Variants in MYH14 observed in about 807,000 individuals in gnomAD.
MYH14 encodes myosin heavy chain 14, also known as myosin-14.
MYH14 carries 123 observed loss-of-function variants against 255.5 expected under a neutral mutation model. That is an observed-to-expected ratio of 0.48 (90% CI 0.42 to 0.56). MYH14 has a LOEUF of 0.56. MYH14 is among the 20% of genes least tolerant of loss of function. The pLI, the probability that MYH14 is intolerant of heterozygous loss-of-function variation, is 0.00. For missense variants in MYH14, 2,423 were observed against 2,802.3 expected (o/e 0.86, Z 3.06); for synonymous variants, 1,095 against 1,161.2 (o/e 0.94, Z 1.16).
intron 16 of MYH14, among the ~76,000 whole-genome samples, chr19:50,254,993 C>T (rs1281535800): frequency 3.3e-5 from 5 of 152,200 alleles, no homozygotes; most frequent in East Asian, 3.8e-4. Context: ...AGAGGACATT[C>T]GTCCTTTTGG....
chr19:50,293,476 G>C lies in MYH14; in HGVS notation c.5346-88G>C. 5.1e-6 allele frequency: 8 copies of C among 1,568,876 alleles called. No homozygotes were observed. Among genetic ancestry groups the C allele is most frequent in the Non-Finnish European group, 6.9e-6 (8 of 1,154,860 alleles). ...GGTGTGAGGCTGGGGAGATGCGTGG[G>C]GCTAACCACAGGGTCCTGTAGTGTG... On this transcript the variant is annotated intron_variant, in intron 38 of 42. Coordinates refer to ENST00000642316, the MANE Select transcript of MYH14 (RefSeq NM_001145809.2). The surrounding 1 kb of genome is among the most constrained non-coding windows in gnomAD (Gnocchi z 4.1).
chr19:50,212,810 T>G (rs1244385310), intron 2 of MYH14, among the ~76,000 whole-genome samples: 1 of 152,104 alleles, frequency 6.6e-6, no homozygotes, highest in Non-Finnish European at 1.5e-5. Flanking sequence ...TTCTCCAGTC[T>G]GCACTGGCCC....
chr19:50,255,314 AG>A lies in MYH14; in HGVS notation c.2044+1del. ...ERCSSAISPP[G>X]VEGIVGLEQV... The stretch of plus-strand genomic sequence containing the variant: ...GGTGCAGCTCTGCTATTTCTCCGCC[AG>A]GGGGTGGGTGTCTCTGTGCATCGAT... On this transcript the variant is annotated frameshift_variant, in exon 17 of 43. Transcript: ENST00000642316. LOFTEE classifies it high-confidence loss of function. The A allele has an allele frequency of 3.2e-6, 5 of 1,550,478 alleles. No individual in the cohort carries two copies. Among genetic ancestry groups the A allele is most frequent in the Non-Finnish European group, 4.4e-6 (5 of 1,146,632 alleles).
In MYH14 at chr19:50,260,760, TGC is replaced by T. The variant is rs67261435; in HGVS notation, c.2424+47_2424+48del. ...GAATGCGTGTGTGCGTGTGTGTGTG[TGC>T]GTGCATGAGTGTGCGTGCATGTGTG... On this transcript the variant is annotated intron_variant, in intron 20 of 42. Transcript: ENST00000642316. 2.7e-5 allele frequency: 36 copies of T among 1,311,880 alleles called. No homozygotes were observed. The African/African-American group carries it at 4.4e-4, about 16-fold the overall frequency. The allele number at this position is 1,311,880 out of a possible 1,614,324, so 81.3% of individuals were successfully genotyped here.
chr19:50,248,188 G>C (rs2034210372), intron 12 of MYH14, among the ~76,000 whole-genome samples: 1 of 152,108 alleles, frequency 6.6e-6, no homozygotes, highest in Non-Finnish European at 1.5e-5. Flanking sequence ...GATCATGCAG[G>C]GTCTTAGGGG....
chr19:50,258,366 A>T (rs1027125037), intron 18 of MYH14: 1 of 152,054 alleles, frequency 6.6e-6, no homozygotes, highest in Admixed American at 6.5e-5. Context: ...ATATTTAACG[A>T]CAGCGTGTGC....
chr19:50,283,142 CAG>C (rs1260680044), intron 33 of MYH14, among the ~76,000 whole-genome samples: 10 of 149,718 alleles, frequency 6.7e-5, no homozygotes, highest in African/African-American at 2.2e-4. Context: ...TTTTTTGAGA[CAG>C]AGTCTCGCTG....
Position 50,255,214 on chromosome 19 carries a change from C to T in MYH14, c.1946-6C>T. 1 of 1,547,896 alleles carries T rather than the reference C, an allele frequency of 6.5e-7. No homozygotes were observed. The highest frequency in any genetic ancestry group is 8.7e-7 in the Non-Finnish European group (1 of 1,143,806). On this transcript the variant is annotated splice_region_variant and splice_polypyrimidine_tract_variant and intron_variant, in intron 16 of 42. Coordinates refer to ENST00000642316, the MANE Select transcript of MYH14 (RefSeq NM_001145809.2). ...ACCCACCCACACATCTGTCCTCACTCCCCAGAACATGGGGGCTTCCAGCAG... is the reference window on the plus strand; with the variant it reads ...ACCCACCCACACATCTGTCCTCACTTCCCAGAACATGGGGGCTTCCAGCAG...
At chr19:50,215,000 T>A (rs988358964) in intron 2 of MYH14, among the ~76,000 whole-genome samples, 4 of 151,088 alleles carry the variant, frequency 2.6e-5, no homozygotes, top group Non-Finnish European at 5.9e-5. Flanking sequence ...ATGGGGAAAG[T>A]CACCAGGCTG....
chr19:50,275,113 G>C (rs2035456640), intron 27 of MYH14, among the ~76,000 whole-genome samples: 1 of 152,168 alleles, frequency 6.6e-6, no homozygotes, highest in South Asian at 2.1e-4. Context: ...GTAAAGGGGA[G>C]TGTTCATCGT....
intron 39 of MYH14, 93 bp from the exon 40 acceptor site, chr19:50,301,568 T>C: frequency 1.2e-6 from 1 of 845,724 alleles, no homozygotes; most frequent in South Asian, 1.5e-5. Context: ...GTGACAATCA[T>C]CAGTGCACTT....
At chr19:50,295,839 G>A (rs762541152) in intron 39 of MYH14, among the ~76,000 whole-genome samples, 9 of 152,180 alleles carry the variant, frequency 5.9e-5, no homozygotes, top group Middle Eastern at 3.4e-3. Flanking sequence ...TAAGCCAGGC[G>A]CAGTGGCTCA....
chr19:50,297,777 G>A (rs2036328405), intron 39 of MYH14, among the ~76,000 whole-genome samples: 1 of 151,994 alleles, frequency 6.6e-6, no homozygotes, highest in Non-Finnish European at 1.5e-5. Flanking sequence ...GGGATTACAG[G>A]TGTGAGCCAC....
intron 33 of MYH14, among the ~76,000 whole-genome samples, chr19:50,283,658 G>A (rs933895182): frequency 1.3e-5 from 2 of 152,074 alleles, no homozygotes; most frequent in African/African-American, 2.4e-5. Flanking sequence ...GACCAGTGAC[G>A]TTGAGCATCT....
chr19:50,305,060 G>A (rs996797340), intron 40 of MYH14, among the ~76,000 whole-genome samples: 1 of 152,138 alleles, frequency 6.6e-6, no homozygotes, highest in African/African-American at 2.4e-5. Context: ...ACGGAACTCT[G>A]TTCTGTGGGC....
At chr19:50,281,922 TC>T in intron 33 of MYH14, 80 bp downstream of exon 33, 1 of 1,483,396 alleles carries the variant, frequency 6.7e-7, no homozygotes, top group Non-Finnish European at 9.2e-7. Flanking sequence ...GAACCAGTAA[TC>T]CGTGCTGTCA....
chr19:50,256,545 T>A (rs1042205978), intron 17 of MYH14, among the ~76,000 whole-genome samples: 13 of 152,140 alleles, frequency 8.5e-5, no homozygotes, highest in Non-Finnish European at 1.5e-4. Flanking sequence ...CTTAATTTTT[T>A]GTATTTTTAG....
At position 50,224,286 on chromosome 19, in the gene MYH14, G is replaced by A. The variant is rs187294014; in HGVS notation, c.717+109G>A. ...GCCCAAGGCAGCAGTGGTCCCACCT[G>A]CCAGGGACCCCTCTGCCCCACCACT... On this transcript the variant is annotated intron_variant, in intron 6 of 42. Transcript: ENST00000642316. 3.6e-5 allele frequency: 52 copies of A among 1,436,412 alleles called. No homozygotes were observed. In the African/African-American group the frequency reaches 6.4e-4, roughly 18 times the overall value. The allele number at this position is 1,436,412 out of a possible 1,614,324, so 89.0% of individuals were successfully genotyped here.
chr19:50,248,678 T>G (rs1052463509), intron 12 of MYH14, among the ~76,000 whole-genome samples: 2 of 152,212 alleles, frequency 1.3e-5, no homozygotes, highest in African/African-American at 4.8e-5. Context: ...GAGCTGGGAT[T>G]CAAACCCAAG....
Sources: gnomAD v4.1 joint callset for allele counts (sites outside exome capture counted in the v4.1 genomes callset) on GRCh38, gnomAD v4.1.1 for gene constraint, Gnocchi (gnomAD v3.1) non-coding constraint, MANE v1.5 for transcripts, NCBI Gene and HGNC (gene_info 2026-07-23, HGNC 2026-07-21) for gene names.